Variants in MEAF6 observed in about 807,000 individuals in gnomAD.
MEAF6 encodes MYST/Esa1 associated factor 6.
MEAF6 carries 15 observed loss-of-function variants against 28.9 expected under a neutral mutation model. That is an observed-to-expected ratio of 0.52 (90% CI 0.35 to 0.80). The LOEUF (loss-of-function observed/expected upper bound fraction) is 0.80. MEAF6 is among the 30% of genes least tolerant of loss of function. The pLI, the probability that MEAF6 is intolerant of heterozygous loss-of-function variation, is 0.01. For synonymous variants in MEAF6, 97 were observed against 88.7 expected (o/e 1.09, Z -0.53); for missense variants, 178 against 237.5 (o/e 0.75, Z 1.65).
chr1:37,509,923 C>T (rs1642610108), intron 2 of MEAF6, among the ~76,000 whole-genome samples: 1 of 151,544 alleles, frequency 6.6e-6, no homozygotes, highest in South Asian at 2.1e-4. Flanking sequence ...ATTACAGGTG[C>T]CCACCACCAT....
chr1:37,502,951 G>A (rs114352576), intron 4 of MEAF6, among the ~76,000 whole-genome samples: 3,066 of 149,198 alleles, frequency 0.021, 98 homozygotes, highest in African/African-American at 0.073. Flanking sequence ...ATTTTATTTC[G>A]AGACAAGATC....
Position 37,514,675 on chromosome 1 carries a change from C to T in MEAF6, c.72G>A (p.Lys24=). The T allele has an allele frequency of 6.5e-7, 1 of 1,543,356 alleles. No individual in the cohort carries two copies. The highest frequency in any genetic ancestry group is 8.7e-7 in the Non-Finnish European group (1 of 1,149,558). The stretch of plus-strand genomic sequence containing the variant: ...CCCTCACCGCCAGCTCCTGCTTCCG[C>T]TTCACGAGCTCCGCCAGCTCCCGCC... ...DTRRELAELV[K]RKQELAETLA... is the part of the protein sequence containing the mutation. The change falls in exon 1 of 7, where the codon AAG becomes AAA. Residue 24 remains lysine (K), a synonymous_variant. Coordinates refer to ENST00000296214, the MANE Select transcript of MEAF6 (RefSeq NM_001270875.3).
At chr1:37,495,968 G>A (rs1642119668) in intron 5 of MEAF6, 50 bp from the exon 6 acceptor site, 1 of 1,533,842 alleles carries the variant, frequency 6.5e-7, no homozygotes, top group Admixed American at 1.7e-5. Flanking sequence ...ACAGAAAATG[G>A]GTCCCACAAT....
In MEAF6 at chr1:37,501,868, A is replaced by C. The variant is rs565709005; in HGVS notation, c.469T>G (p.Ser157Ala). 103 of 1,607,038 alleles carry C rather than the reference A, an allele frequency of 6.4e-5. No homozygotes were observed. Among genetic ancestry groups the C allele is most frequent in the East Asian group, 1.6e-4 (7 of 44,784 alleles). ...TGGTGACTCCCTGAGGAAGTAGAAGAAGCAGCCTTCTGAGGTTTCACTCCC... is the reference window on the plus strand; with the variant it reads ...TGGTGACTCCCTGAGGAAGTAGAAGCAGCAGCCTTCTGAGGTTTCACTCCC... The part of the protein sequence containing the change: ...VQGVKPQKAA[S>A]STSSGSHHSS... Residue 157 changes from serine to alanine, a missense_variant, in exon 5 of 7, where the codon TCT becomes GCT. This residue lies in a region of MEAF6 where 124 missense variants were observed against 200.5 expected (regional missense o/e 0.62). Coordinates refer to ENST00000296214, the MANE Select transcript of MEAF6 (RefSeq NM_001270875.3).
At chr1:37,494,170 G>T in intron 6 of MEAF6, 63 bp from the exon 7 acceptor site, 8 of 1,327,494 alleles carry the variant, frequency 6.0e-6, no homozygotes, top group East Asian at 2.4e-5. Flanking sequence ...GACCCTAAAG[G>T]AAAAAAAAAA....
chr1:37,510,443 G>A (rs1415754857), intron 2 of MEAF6, among the ~76,000 whole-genome samples: 2 of 138,332 alleles, frequency 1.4e-5, no homozygotes, highest in African/African-American at 5.4e-5. Flanking sequence ...GTGCAGTGGT[G>A]CGATCCAGGG....
Position 37,513,428 on chromosome 1 carries a change from G to A in MEAF6, c.201C>T (p.Asn67=). Residue 67 remains asparagine (N), a synonymous_variant, in exon 2 of 7, where the codon AAC becomes AAT. Transcript: ENST00000296214. ...TACAGGCTTTCGACACTCACTTTTGGTTGGTCAGATACCGATCCCAGCCAC... is the reference window on the plus strand; with the variant it reads ...TACAGGCTTTCGACACTCACTTTTGATTGGTCAGATACCGATCCCAGCCAC... ...IIRGWDRYLT[N]QKNSNSKNDR... is the part of the protein sequence containing the mutation. The A allele has an allele frequency of 3.1e-6, 5 of 1,613,014 alleles. No homozygotes were observed. The highest frequency in any genetic ancestry group is 2.2e-5 in the East Asian group (1 of 44,874).
rs1257379410 is a variant in MEAF6, at chr1:37,492,554, CAG to C, written c.*1543_*1544del. 2 of 82,782 alleles carry C rather than the reference CAG, an allele frequency of 2.4e-5. No individual in the cohort carries two copies. The highest frequency in any genetic ancestry group is 4.5e-5 in the African/African-American group (1 of 22,268). The allele number at this position is 82,782 out of a possible 1,614,324, so 5.1% of individuals were successfully genotyped here. ...AGACACAGTCAAAGATCTAAATAGC[CAG>C]AGTCAAAAAAAAAAAAAAAAAAAAA... On this transcript the variant is annotated 3_prime_UTR_variant, in exon 7 of 7. Transcript: ENST00000296214.
At chr1:37,507,906 A>C (rs984643525) in intron 4 of MEAF6, among the ~76,000 whole-genome samples, 1 of 152,206 alleles carries the variant, frequency 6.6e-6, no homozygotes, top group African/African-American at 2.4e-5. Context: ...AAATCTGTAC[A>C]TAGAGATAAT....
In MEAF6 at chr1:37,490,275, G is replaced by A. The variant is rs1414470061; in HGVS notation, c.*3824C>T. 6.6e-6 allele frequency among the ~76,000 whole-genome samples: 1 copy of A among 151,930 alleles called. No individual in the cohort carries two copies. Among genetic ancestry groups the A allele is most frequent in the Non-Finnish European group, 1.5e-5 (1 of 68,008 alleles). On this transcript the variant is annotated 3_prime_UTR_variant, in exon 7 of 7. Coordinates refer to ENST00000296214, the MANE Select transcript of MEAF6 (RefSeq NM_001270875.3). ...TGACAACTTTTAATCCACGGAAGCA[G>A]TTTTTCAAAGTGAAAACTGTTTCAA...
At chr1:37,499,392 T>C in intron 5 of MEAF6, among the ~76,000 whole-genome samples, 1 of 152,148 alleles carries the variant, frequency 6.6e-6, no homozygotes, top group East Asian at 1.9e-4. Context: ...GACACCATGC[T>C]CTGTCCCCAC....
intron 4 of MEAF6, among the ~76,000 whole-genome samples, chr1:37,505,781 C>T (rs989156441): frequency 6.6e-6 from 1 of 152,130 alleles, no homozygotes; most frequent in Non-Finnish European, 1.5e-5. Context: ...AGGATGAACC[C>T]TTATATTTAC....
At chr1:37,498,556 A>G (rs1445040606) in intron 5 of MEAF6, among the ~76,000 whole-genome samples, 1 of 151,622 alleles carries the variant, frequency 6.6e-6, no homozygotes, top group African/African-American at 2.4e-5. Flanking sequence ...CATCTTTCCA[A>G]GTAGCTGAGA....
At chr1:37,514,216 A>T (rs1642758899) in intron 1 of MEAF6, 1 of 161,210 alleles carries the variant, frequency 6.2e-6, no homozygotes, top group East Asian at 1.9e-4. Context: ...AGTACCAAAA[A>T]GAACACGCTC....
chr1:37,499,236 G>A (rs1269169582), intron 5 of MEAF6, among the ~76,000 whole-genome samples: 1 of 152,036 alleles, frequency 6.6e-6, no homozygotes, highest in Non-Finnish European at 1.5e-5. Context: ...TTCCACCTTT[G>A]CTCACCACTA....
chr1:37,509,153 G>A (rs1642584233), intron 4 of MEAF6, 125 bp downstream of exon 4: 7 of 904,620 alleles, frequency 7.7e-6, no homozygotes, highest in Non-Finnish European at 1.2e-5. Flanking sequence ...AAACTTCCAG[G>A]AAGAAGAGGG....
At position 37,493,740 on chromosome 1, in the gene MEAF6, C is replaced by G. The variant is rs933352814; in HGVS notation, c.*359G>C. ...CTTGTGTTCTACTTTCAGCATAAAA[C>G]AAAACCAGAGAACATTTCTTGAAGG... is the stretch of plus-strand genomic sequence containing the variant. On this transcript the variant is annotated 3_prime_UTR_variant, in exon 7 of 7. Coordinates refer to ENST00000296214, the MANE Select transcript of MEAF6 (RefSeq NM_001270875.3). 6 of 1,527,484 alleles carry G rather than the reference C, an allele frequency of 3.9e-6. No homozygotes were observed. In the Admixed American group the frequency reaches 6.0e-5, roughly 15 times the overall value. 94.6% of individuals were successfully genotyped at this position (1,527,484 alleles called of 1,614,324 possible). A position where few individuals can be genotyped will look rare whatever the true frequency, so the allele number is the denominator to read the frequency against.
chr1:37,495,693 A>C (rs1642099994), intron 6 of MEAF6, among the ~76,000 whole-genome samples, 192 bp downstream of exon 6: 2 of 110,260 alleles, frequency 1.8e-5, no homozygotes, highest in Non-Finnish European at 4.1e-5. Flanking sequence ...TCAAAAAAAA[A>C]AAACAAAAAA....
rs1641989449 is a variant in MEAF6 at position 37,492,987 on chromosome 1, T to C, written c.*1112A>G. 1 of 152,256 alleles carries C rather than the reference T, an allele frequency of 6.6e-6. No homozygotes were observed. The highest frequency in any genetic ancestry group is 1.5e-5 in the Non-Finnish European group (1 of 68,060). The allele number at this position is 152,256 out of a possible 1,614,324, so 9.4% of individuals were successfully genotyped here. A position where few individuals can be genotyped will look rare whatever the true frequency, so the allele number is the denominator to read the frequency against. On this transcript the variant is annotated 3_prime_UTR_variant, in exon 7 of 7. Coordinates refer to ENST00000296214, the MANE Select transcript of MEAF6 (RefSeq NM_001270875.3). ...GTGATTCCAATGTGCAGCCAGACCC[T>C]GTCGCAAGTTCACCACAGCACTAGA...
Sources: gnomAD v4.1 joint callset for allele counts (sites outside exome capture counted in the v4.1 genomes callset) on GRCh38, gnomAD v4.1.1 for gene constraint, gnomAD v4.1.1 regional missense constraint, MANE v1.5 for transcripts, NCBI Gene and HGNC (gene_info 2026-07-23, HGNC 2026-07-21) for gene names.